ERBB4: variants seen among roughly 807,000 people sequenced by gnomAD.
ERBB4 encodes erb-b2 receptor tyrosine kinase 4, also known as receptor tyrosine-protein kinase erbB-4.
Under a neutral mutation model 158.0 loss-of-function variants are expected in ERBB4, and 42 were observed. The ratio of observed to expected loss-of-function variants is 0.27; its 90% CI spans 0.21 to 0.34. ERBB4 has a LOEUF of 0.34. Among genes scored for constraint, ERBB4 ranks in the 10% least tolerant of loss-of-function variants. ERBB4 has a pLI of 1.00. For missense variants in ERBB4, 1,333 were observed against 1,624.1 expected, an observed-to-expected ratio of 0.82 and a Z score of 3.08; for synonymous variants, 583 against 558.7, an observed-to-expected ratio of 1.04 and a Z score of -0.61.
At chr2:211,720,648 C>A (rs1338479922) in intron 7 of ERBB4, among the ~76,000 whole-genome samples, 1 of 152,210 alleles carries the variant, frequency 6.6e-6, no homozygotes, top group African/African-American at 2.4e-5. Flanking sequence ...GAAAAATCCA[C>A]TCTTTCGGTA....
At chr2:211,853,580 G>A (rs944373456) in intron 3 of ERBB4, among the ~76,000 whole-genome samples, 5 of 152,014 alleles carry the variant, frequency 3.3e-5, no homozygotes, top group African/African-American at 1.2e-4. Context: ...ACACACTCTT[G>A]AGTGATATGG....
intron 1 of ERBB4, among the ~76,000 whole-genome samples, chr2:212,364,073 T>C (rs1157472155): frequency 6.6e-6 from 1 of 151,766 alleles, no homozygotes; most frequent in Non-Finnish European, 1.5e-5. Context: ...TAAAATTTAC[T>C]TCAAATATAG....
At chr2:212,413,640 T>C (rs758313033) in intron 1 of ERBB4, among the ~76,000 whole-genome samples, 9 of 152,152 alleles carry the variant, frequency 5.9e-5, no homozygotes, top group Non-Finnish European at 1.3e-4. Flanking sequence ...ATGGGAACAG[T>C]ATGTTATAGC....
chr2:211,750,570 T>C, intron 5 of ERBB4, 69 bp downstream of exon 5: 1 of 1,332,692 alleles, frequency 7.5e-7, no homozygotes, highest in South Asian at 1.2e-5. Context: ...ACCAGAGGCA[T>C]GAAATGGACC....
chr2:211,839,117 TAAAG>T (rs1172024623), intron 3 of ERBB4, among the ~76,000 whole-genome samples: 7 of 107,416 alleles, frequency 6.5e-5, no homozygotes, highest in Admixed American at 2.1e-4. Context: ...TTGAAAGAAA[TAAAG>T]AGAGAGAGAG....
chr2:212,475,812 G>A (rs571912828), intron 1 of ERBB4, among the ~76,000 whole-genome samples: 2 of 152,090 alleles, frequency 1.3e-5, no homozygotes, highest in South Asian at 2.1e-4. Flanking sequence ...AATAATAATT[G>A]TATTACCAAT....
At chr2:211,947,300 CAAAT>C (rs1169174881) in intron 3 of ERBB4, 126 bp downstream of exon 3, 1 of 783,616 alleles carries the variant, frequency 1.3e-6, no homozygotes, top group African/African-American at 1.7e-5. Context: ...GCTTATAAAA[CAAAT>C]AAATCACTGA....
intron 20 of ERBB4, among the ~76,000 whole-genome samples, chr2:211,476,570 GA>G (rs56393638): frequency 0.36 from 50,939 of 140,340 alleles, 11,392 homozygotes; most frequent in African/African-American, 0.66. Flanking sequence ...AAAAAATGAA[GA>G]AAAAAAAAAA....
chr2:212,303,101 G>C (rs2086680538), intron 1 of ERBB4, among the ~76,000 whole-genome samples: 1 of 151,362 alleles, frequency 6.6e-6, no homozygotes. Flanking sequence ...TTGCATTCCA[G>C]GGGTAAGTGG....
In ERBB4 at chr2:211,378,310, A is replaced by G. The variant is rs2062514587; in HGVS notation, c.*5305T>C. The G allele has an allele frequency of 4.3e-6, 1 of 232,686 alleles. No homozygotes were observed. Among genetic ancestry groups the G allele is most frequent in the Non-Finnish European group, 8.5e-6 (1 of 117,614 alleles). 14.4% of individuals were successfully genotyped at this position (232,686 alleles called of 1,614,324 possible). On this transcript the variant is annotated 3_prime_UTR_variant, in exon 28 of 28. Coordinates refer to ENST00000342788, the MANE Select transcript of ERBB4 (RefSeq NM_005235.3). ...CTTAGAGTCATTTTAGCTTGTGACT[A>G]TAGAAGCATTTACTTCTGCCCAAAA... is the stretch of plus-strand genomic sequence containing the variant.
intron 1 of ERBB4, among the ~76,000 whole-genome samples, chr2:212,448,667 G>A (rs1299718791): frequency 6.6e-6 from 1 of 152,030 alleles, no homozygotes; most frequent in Non-Finnish European, 1.5e-5. Context: ...TGCATCCTAG[G>A]AGAAACCAGG....
chr2:212,115,081 A>T (rs1559525140), intron 2 of ERBB4, among the ~76,000 whole-genome samples: 1 of 152,190 alleles, frequency 6.6e-6, no homozygotes, highest in Non-Finnish European at 1.5e-5. Flanking sequence ...AATGATAATG[A>T]TTTTGAAGAG....
At chr2:211,998,257 G>T (rs570612736) in intron 2 of ERBB4, among the ~76,000 whole-genome samples, 158 of 151,376 alleles carry the variant, frequency 1.0e-3, no homozygotes, top group Middle Eastern at 3.4e-3. Flanking sequence ...TATCTGTCTT[G>T]TTTCCAGTCC....
chr2:211,976,878 A>G (rs1369857616), intron 2 of ERBB4, among the ~76,000 whole-genome samples: 2 of 152,204 alleles, frequency 1.3e-5, no homozygotes, highest in African/African-American at 4.8e-5. Flanking sequence ...AAAGAGAATA[A>G]ACAGACTGAA....
At chr2:212,005,965 G>T (rs2076249679) in intron 2 of ERBB4, among the ~76,000 whole-genome samples, 1 of 150,328 alleles carries the variant, frequency 6.7e-6, no homozygotes, top group Non-Finnish European at 1.5e-5. Flanking sequence ...TACATATTAG[G>T]ATTGCAAAAA....
At chr2:211,539,636 C>A (rs1017533265) in intron 20 of ERBB4, among the ~76,000 whole-genome samples, 10 of 151,930 alleles carry the variant, frequency 6.6e-5, no homozygotes, top group African/African-American at 2.4e-4. Context: ...GAAAGGGTAG[C>A]TCATTTGAAT....
Position 212,374,310 on chromosome 2 carries a change from A to T in ERBB4, c.82+164139T>A, listed in dbSNP as rs980609178. On this transcript the variant is annotated intron_variant, in intron 1 of 27. Coordinates refer to ENST00000342788, the MANE Select transcript of ERBB4 (RefSeq NM_005235.3). ...ATTTTGACTTTGAAGGAAGTTGGTG[A>T]TGAATTAAAAATCCATAAAATAAAT... 3.3e-5 allele frequency among the ~76,000 whole-genome samples: 5 copies of T among 151,610 alleles called. No homozygotes were observed. The East Asian group carries it at 9.6e-4, about 29-fold the overall frequency.
At chr2:211,839,051 T>C (rs888420359) in intron 3 of ERBB4, among the ~76,000 whole-genome samples, 4 of 151,856 alleles carry the variant, frequency 2.6e-5, no homozygotes, top group African/African-American at 9.7e-5. Flanking sequence ...CCTCTTTGCA[T>C]GGAGTTAAAG....
At chr2:212,248,852 G>A (rs751504924) in intron 1 of ERBB4, among the ~76,000 whole-genome samples, 2 of 151,942 alleles carry the variant, frequency 1.3e-5, no homozygotes, top group African/African-American at 2.4e-5. Flanking sequence ...AGATGACTGA[G>A]TTTCTTTTTG....
Sources: allele counts gnomAD v4.1 joint callset (sites outside exome capture counted in the v4.1 genomes callset), GRCh38; gene constraint gnomAD v4.1.1; transcripts MANE v1.5; gene names NCBI Gene and HGNC (gene_info 2026-07-23, HGNC 2026-07-21).